Variants in FIG4 observed in about 807,000 individuals in gnomAD.
FIG4 encodes polyphosphoinositide phosphatase.
Under a neutral mutation model 118.6 loss-of-function variants are expected in FIG4, and 112 were observed. The observed-to-expected ratio is 0.94, with a 90% CI of 0.81 to 1.11. The LOEUF (loss-of-function observed/expected upper bound fraction) is 1.11. FIG4 is among the 50% of genes least tolerant of loss of function. The pLI is 0.00. For synonymous variants in FIG4, 369 were observed against 381.2 expected (o/e 0.97, Z 0.37); for missense variants, 969 against 1,111.7 (o/e 0.87, Z 1.83).
chr6:109,786,465 T>A lies in FIG4; in HGVS notation c.2096+16T>A, dbSNP rs779641739. ...GCTCAGCACGGTATGTTGTGTGTAT[T>A]CTGATACCATAAGTATTTGAGAACT... On this transcript the variant is annotated intron_variant, in intron 18 of 22. Coordinates refer to ENST00000230124, the MANE Select transcript of FIG4 (RefSeq NM_014845.6). 69 of 1,613,282 alleles carry A rather than the reference T, an allele frequency of 4.3e-5. No homozygotes were observed. The highest frequency in any genetic ancestry group is 5.8e-5 in the Non-Finnish European group (68 of 1,179,272).
intron 1 of FIG4, among the ~76,000 whole-genome samples, chr6:109,694,139 G>GA (rs919105468): frequency 1.3e-5 from 2 of 151,840 alleles, no homozygotes; most frequent in East Asian, 1.9e-4. Context: ...ATTTAGTAAA[G>GA]AAAAAAAATG....
At chr6:109,794,371 G>A (rs547059864) in intron 21 of FIG4, among the ~76,000 whole-genome samples, 1 of 152,272 alleles carries the variant, frequency 6.6e-6, no homozygotes, top group Admixed American at 6.5e-5. Context: ...ATAATCAGCT[G>A]CCTCTGCTTA....
chr6:109,789,471 A>T (rs1778076117), intron 18 of FIG4, 123 bp from the exon 19 acceptor site: 1 of 755,150 alleles, frequency 1.3e-6, no homozygotes, highest in African/African-American at 1.7e-5. Context: ...GTTGGCTCAG[A>T]ATATGTAATA....
intron 10 of FIG4, among the ~76,000 whole-genome samples, chr6:109,754,649 TC>T (rs1240196249): frequency 3.3e-5 from 5 of 152,190 alleles, no homozygotes; most frequent in Non-Finnish European, 7.3e-5. Flanking sequence ...AGATTCAACT[TC>T]TTCCTGGTTT....
In FIG4 at chr6:109,796,904, G is replaced by A. The variant is rs1484300892; in HGVS notation, c.2546+53G>A. The A allele has an allele frequency of 3.9e-6, 4 of 1,036,946 alleles. No homozygotes were observed. The African/African-American group carries it at 6.3e-5, about 16-fold the overall frequency. The allele number at this position is 1,036,946 out of a possible 1,614,324, so 64.2% of individuals were successfully genotyped here. A position where few individuals can be genotyped will look rare whatever the true frequency, so the allele number is the denominator to read the frequency against. On this transcript the variant is annotated intron_variant, in intron 22 of 22. Transcript: ENST00000230124. Reference sequence around the variant, plus strand: ...AATCTTTGTATTCATGCCACTCATAGGGCTTTCTTTAAAGACTTTTTAAGA... The same window carrying A: ...AATCTTTGTATTCATGCCACTCATAAGGCTTTCTTTAAAGACTTTTTAAGA...
intron 10 of FIG4, among the ~76,000 whole-genome samples, chr6:109,752,169 C>T (rs1054341961): frequency 3.3e-5 from 5 of 151,912 alleles, no homozygotes; most frequent in Admixed American, 2.0e-4. Context: ...GACATGAATT[C>T]ATCATTTTTT....
intron 1 of FIG4, among the ~76,000 whole-genome samples, chr6:109,701,533 G>C (rs941733710): frequency 6.6e-6 from 1 of 152,230 alleles, no homozygotes; most frequent in Non-Finnish European, 1.5e-5. Flanking sequence ...TAGCTAAACA[G>C]AACTAGGTCT....
intron 10 of FIG4, among the ~76,000 whole-genome samples, chr6:109,756,630 C>T (rs558887462): frequency 2.2e-3 from 340 of 152,240 alleles, no homozygotes; most frequent in Non-Finnish European, 2.8e-3. Context: ...AGTCTTTGTT[C>T]GTTTCTTTTT....
intron 21 of FIG4, among the ~76,000 whole-genome samples, chr6:109,795,094 A>ATTTTTTT (rs1562688787): frequency 1.3e-5 from 1 of 77,190 alleles, no homozygotes; most frequent in African/African-American, 3.9e-5. Flanking sequence ...TACACTTGCC[A>ATTTTTTT]GTTTTTTTTT....
intron 22 of FIG4, 89 bp from the exon 23 acceptor site, chr6:109,824,999 A>G: frequency 8.2e-7 from 1 of 1,220,258 alleles, no homozygotes. Flanking sequence ...ATTCAATGCC[A>G]GCGACTCTCA....
At chr6:109,802,121 C>T (rs1035106187) in intron 22 of FIG4, among the ~76,000 whole-genome samples, 19 of 152,202 alleles carry the variant, frequency 1.2e-4, no homozygotes, top group Non-Finnish European at 2.6e-4. Context: ...CCAGGAATTA[C>T]CAAGATAGGC....
At chr6:109,779,810 C>T (rs1019735781) in intron 16 of FIG4, among the ~76,000 whole-genome samples, 2 of 152,182 alleles carry the variant, frequency 1.3e-5, no homozygotes, top group Non-Finnish European at 2.9e-5. Flanking sequence ...AGCAACAGGA[C>T]AAGAGCACAG....
At chr6:109,767,200 T>G (rs978536093) in intron 15 of FIG4, among the ~76,000 whole-genome samples, 6 of 152,170 alleles carry the variant, frequency 3.9e-5, no homozygotes, top group Non-Finnish European at 7.4e-5. Context: ...ATAGATAAAA[T>G]TTTTTGAGGG....
chr6:109,804,696 C>T (rs917058058), intron 22 of FIG4, among the ~76,000 whole-genome samples: 2 of 152,060 alleles, frequency 1.3e-5, no homozygotes, highest in African/African-American at 4.8e-5. Flanking sequence ...TTTGAGAAAT[C>T]ATACTCTGGA....
At chr6:109,823,457 T>G (rs1779070349) in intron 22 of FIG4, among the ~76,000 whole-genome samples, 1 of 152,220 alleles carries the variant, frequency 6.6e-6, no homozygotes, top group African/African-American at 2.4e-5. Flanking sequence ...TGTGTCATTG[T>G]TGTGGATAAA....
intron 22 of FIG4, among the ~76,000 whole-genome samples, chr6:109,822,925 C>T (rs532621958): frequency 1.1e-3 from 166 of 148,960 alleles, no homozygotes; most frequent in African/African-American, 3.9e-3. Flanking sequence ...TATATATATA[C>T]ACCATATCTC....
At chr6:109,728,344 A>G (rs1349819663) in intron 4 of FIG4, among the ~76,000 whole-genome samples, 2 of 152,140 alleles carry the variant, frequency 1.3e-5, no homozygotes, top group African/African-American at 4.8e-5. Context: ...TGTATATCTG[A>G]AATGTTCAAA....
chr6:109,814,955 C>T (rs946624205), intron 22 of FIG4, among the ~76,000 whole-genome samples: 5 of 152,066 alleles, frequency 3.3e-5, no homozygotes, highest in Non-Finnish European at 2.9e-5. Context: ...TTTATGTGTA[C>T]ATGTACATAT....
In FIG4 at chr6:109,691,477, G is replaced by A. The variant is rs552856153; in HGVS notation, c.42G>A (p.Lys14=). The change falls in exon 1 of 23, where the codon AAG becomes AAA. Residue 14 remains lysine (K), a synonymous_variant. Coordinates refer to ENST00000230124, the MANE Select transcript of FIG4 (RefSeq NM_014845.6). Reference sequence around the variant, plus strand: ...CCCCCATCATCAGCTCGGTCCAGAAGCTGGTTCTGTATGAGACTAGAGCTG... The same window carrying A: ...CCCCCATCATCAGCTCGGTCCAGAAACTGGTTCTGTATGAGACTAGAGCTG... ...AAAPIISSVQ[K]LVLYETRARY... The A allele has an allele frequency of 1.2e-4, 185 of 1,585,416 alleles. 3 individuals are homozygous for A. The South Asian group carries it at 2.0e-3, about 17-fold the overall frequency.
Sources: gnomAD v4.1 joint callset for allele counts (sites outside exome capture counted in the v4.1 genomes callset) on GRCh38, gnomAD v4.1.1 for gene constraint, MANE v1.5 for transcripts, NCBI Gene and HGNC (gene_info 2026-07-23, HGNC 2026-07-21) for gene names.